Variants in ATP5F1A observed in about 807,000 individuals in gnomAD.
ATP5F1A encodes the protein ATP synthase F1 subunit alpha, also known as ATP synthase F(1) complex subunit alpha, mitochondrial.
Under a neutral mutation model 57.4 loss-of-function variants are expected in ATP5F1A, and 24 were observed. That is an observed-to-expected ratio of 0.42 (90% CI 0.30 to 0.59). The LOEUF is 0.59. ATP5F1A is among the 20% of genes least tolerant of loss of function. The probability of loss-of-function intolerance (pLI) is 0.19; values close to 1 mark genes in which losing one functional copy is unlikely to be tolerated. For missense variants in ATP5F1A, 494 were observed against 707.9 expected, an observed-to-expected ratio of 0.70 and a Z score of 3.43; for synonymous variants, 251 against 255.5, an observed-to-expected ratio of 0.98 and a Z score of 0.17.
rs533341367 is a variant in ATP5F1A, at chr18:46,084,483, T to C, written c.1580+21A>G. ...TCTTAAACATAACTTTAAAAAAAGA[T>C]GCCAACAATTGCATTCATACCTGAT... is the stretch of plus-strand genomic sequence containing the variant. On this transcript the variant is annotated intron_variant, in intron 11 of 11. Coordinates refer to ENST00000398752, the MANE Select transcript of ATP5F1A (RefSeq NM_004046.6). 21 of 1,577,928 alleles carry C rather than the reference T, an allele frequency of 1.3e-5. No homozygotes were observed. In the East Asian group the frequency reaches 3.6e-4, roughly 27 times the overall value.
rs957671632 is a variant in ATP5F1A, at chr18:46,083,180, C to T, written c.*1102G>A. 1.3e-5 allele frequency: 2 copies of T among 152,386 alleles called. No homozygotes were observed. Among genetic ancestry groups the T allele is most frequent in the African/African-American group, 4.8e-5 (2 of 41,446 alleles). 9.4% of individuals were successfully genotyped at this position (152,386 alleles called of 1,614,324 possible). Reference sequence around the variant, plus strand: ...GATGGCCGGGCATGGTAGTTCACACCTGTAATCCCAGCACTTTGGGAGACC... The same window carrying T: ...GATGGCCGGGCATGGTAGTTCACACTTGTAATCCCAGCACTTTGGGAGACC... On this transcript the variant is annotated 3_prime_UTR_variant, in exon 12 of 12. Coordinates refer to ENST00000398752, the MANE Select transcript of ATP5F1A (RefSeq NM_004046.6).
intron 3 of ATP5F1A, 96 bp from the exon 4 acceptor site, chr18:46,090,092 G>GGGA: frequency 3.9e-6 from 2 of 512,002 alleles, no homozygotes; most frequent in Non-Finnish European, 6.2e-6. Flanking sequence ...GGGTGGGGGG[G>GGGA]GAAGCAGTAT....
In ATP5F1A at chr18:46,084,620, G is replaced by A; in HGVS notation, c.1464C>T (p.Ile488=). 6.3e-7 allele frequency: 1 copy of A among 1,596,314 alleles called. No individual in the cohort carries two copies. The highest frequency in any genetic ancestry group is 8.5e-7 in the Non-Finnish European group (1 of 1,175,260). The change falls in exon 11 of 12, where the codon ATC becomes ATT. Residue 488 remains isoleucine (I), a synonymous_variant. Coordinates refer to ENST00000398752, the MANE Select transcript of ATP5F1A (RefSeq NM_004046.6). ...CAAGATATCCCCTTACACCCGCATA[G>A]ATAACAGCCACTTGTTCTTCAATAG... ...PMAIEEQVAV[I]YAGVRGYLDK... is the part of the protein sequence containing the mutation.
At chr18:46,086,777 T>G in intron 8 of ATP5F1A, 1 of 607,768 alleles carries the variant, frequency 1.6e-6, no homozygotes, top group Non-Finnish European at 2.9e-6. Context: ...GGGAGAACAG[T>G]AGTGGTTAAA....
chr18:46,102,464 C>T (rs1911304214), upstream of ATP5F1A, among the ~76,000 whole-genome samples: 1 of 152,004 alleles, frequency 6.6e-6, no homozygotes, highest in Admixed American at 6.5e-5. Context: ...GCTGGGATTA[C>T]AGGCACGTGC....
chr18:46,098,360 T>TC (rs1911140277), upstream of ATP5F1A: 7 of 1,291,458 alleles, frequency 5.4e-6, no homozygotes, highest in South Asian at 5.5e-5. Flanking sequence ...CCCCTCGCGT[T>TC]CACCACCTCT....
At chr18:46,091,533 C>T (rs1910548693) in intron 3 of ATP5F1A, 149 bp downstream of exon 3, 2 of 860,266 alleles carry the variant, frequency 2.3e-6, no homozygotes, top group Non-Finnish European at 3.4e-6. Flanking sequence ...TAAGTTTATT[C>T]TCTTTACAAT....
chr18:46,098,616 C>A (rs981544775), upstream of ATP5F1A, among the ~76,000 whole-genome samples: 3 of 152,032 alleles, frequency 2.0e-5, no homozygotes, highest in Non-Finnish European at 2.9e-5. Flanking sequence ...AGGGCCTCAC[C>A]CGTCTGGGGT....
At chr18:46,099,281 A>T (rs188279370), upstream of ATP5F1A, 3 of 152,096 alleles carry the variant, frequency 2.0e-5, no homozygotes, top group Admixed American at 2.0e-4. Context: ...GGAGATGATG[A>T]AAAAACACTT....
Position 46,084,627 on chromosome 18 carries a change from G to C in ATP5F1A, c.1457C>G (p.Ala486Gly). 2 of 1,591,692 alleles carry C rather than the reference G, an allele frequency of 1.3e-6. No individual in the cohort carries two copies. The highest frequency in any genetic ancestry group is 8.5e-7 in the Non-Finnish European group (1 of 1,173,810). The change falls in exon 11 of 12, where the codon GCT becomes GGT. Residue 486 changes from alanine (A) to glycine (G), a missense_variant. Physicochemically the swap from Ala to Gly is moderately conservative, Grantham distance 60. Coordinates refer to ENST00000398752, the MANE Select transcript of ATP5F1A (RefSeq NM_004046.6). Reference sequence around the variant, plus strand: ...TCCCCTTACACCCGCATAGATAACAGCCACTTGTTCTTCAATAGCCATGGG... The same window carrying C: ...TCCCCTTACACCCGCATAGATAACACCCACTTGTTCTTCAATAGCCATGGG... Reference protein sequence around the residue: ...YSPMAIEEQVAVIYAGVRGYL... With the variant: ...YSPMAIEEQVGVIYAGVRGYL...
chr18:46,094,186 C>T (rs2578191), intron 2 of ATP5F1A, among the ~76,000 whole-genome samples: 53,818 of 150,990 alleles, frequency 0.36, 10,116 homozygotes, highest in Middle Eastern at 0.52. Context: ...CACACACACA[C>T]ATATACACAC....
intron 3 of ATP5F1A, 67 bp downstream of exon 3, chr18:46,091,615 G>A: frequency 5.6e-6 from 8 of 1,440,818 alleles, no homozygotes; most frequent in Admixed American, 2.5e-5. Context: ...TACAATCTTT[G>A]AATCGCTAAA....
intron 1 of ATP5F1A, 26 bp downstream of exon 1, chr18:46,098,146 G>A: frequency 4.4e-6 from 7 of 1,592,946 alleles, no homozygotes; most frequent in Non-Finnish European, 4.3e-6. Flanking sequence ...CCGGCCGCCT[G>A]CATCATGCCG....
At chr18:46,084,881 T>A in intron 10 of ATP5F1A, 1 of 446,872 alleles carries the variant, frequency 2.2e-6, no homozygotes, top group East Asian at 3.7e-5. Flanking sequence ...AATCTTTCAG[T>A]ATAGTCCATA....
Position 46,089,729 on chromosome 18 carries a change from G to C in ATP5F1A, c.487C>G (p.Pro163Ala). 2 of 1,613,504 alleles carry C rather than the reference G, an allele frequency of 1.2e-6. No homozygotes were observed. The highest frequency in any genetic ancestry group is 1.1e-5 in the South Asian group (1 of 90,992). ...ALGNAIDGKG[P>A]IGSKTRRRVG... ...CGCCTACGCGTCTTGGAACCAATTGGACCCTGTTAAAAAATAAAAAGAAAA... is the reference window on the plus strand; with the variant it reads ...CGCCTACGCGTCTTGGAACCAATTGCACCCTGTTAAAAAATAAAAAGAAAA... The change falls in exon 5 of 12, where the codon CCA becomes GCA. Residue 163 changes from proline to alanine, a missense_variant. Pro to Ala is a conservative substitution (Grantham distance 27). This residue lies in a region of ATP5F1A where 191 missense variants were observed against 267.7 expected (regional missense o/e 0.71). Coordinates refer to ENST00000398752, the MANE Select transcript of ATP5F1A (RefSeq NM_004046.6).
Position 46,080,299 on chromosome 18 carries a change from C to A in ATP5F1A, c.*3983G>T, listed in dbSNP as rs1349732418. On this transcript the variant is annotated 3_prime_UTR_variant, in exon 12 of 12. Transcript: ENST00000398752. ...TACAAGTCTGAAATCCATAAAACTT[C>A]ACATTTCAAAGGTCAAGTGCCTTCT... The A allele has an allele frequency of 6.6e-6, 1 of 152,184 alleles. No homozygotes were observed. The highest frequency in any genetic ancestry group is 1.5e-5 in the Non-Finnish European group (1 of 68,026). The allele number at this position is 152,184 out of a possible 1,614,324, so 9.4% of individuals were successfully genotyped here.
intron 1 of ATP5F1A, among the ~76,000 whole-genome samples, chr18:46,103,783 G>A (rs1236829640): frequency 6.6e-6 from 1 of 151,938 alleles, no homozygotes; most frequent in Non-Finnish European, 1.5e-5. Flanking sequence ...GCGTGGTGGC[G>A]CTTGCCCGTA....
rs142430605 is a variant in ATP5F1A, at chr18:46,091,739, T to C, written c.252A>G (p.Val84=). ...VLSIGDGIAR[V]HGLRNVQAEE... ...CTGCTTGAACATTCCTCAGCCCATG[T>C]ACGCGGGCAATACCATCACCAATAC... The change falls in exon 3 of 12, where the codon GTA becomes GTG. Residue 84 remains valine (V), a synonymous_variant. Coordinates refer to ENST00000398752, the MANE Select transcript of ATP5F1A (RefSeq NM_004046.6). 2 of 1,613,920 alleles carry C rather than the reference T, an allele frequency of 1.2e-6. No homozygotes were observed. Among genetic ancestry groups the C allele is most frequent in the Non-Finnish European group, 8.5e-7 (1 of 1,179,974 alleles).
upstream of ATP5F1A, among the ~76,000 whole-genome samples, chr18:46,100,251 T>TAAAAAAAAAAAAAAA (rs34683117): frequency 4.4e-5 from 3 of 68,652 alleles, no homozygotes; most frequent in East Asian, 4.1e-4. Flanking sequence ...AAACTCCATC[T>TAAAAAAAAAAAAAAA]AAAAAAAAAA....
Sources: allele counts gnomAD v4.1 joint callset (sites outside exome capture counted in the v4.1 genomes callset), GRCh38; gene constraint gnomAD v4.1.1; regional missense constraint gnomAD v4.1.1; transcripts MANE v1.5; gene names NCBI Gene and HGNC (gene_info 2026-07-23, HGNC 2026-07-21).